Variants in PLEKHA2 observed in about 807,000 individuals in gnomAD.
The protein encoded by PLEKHA2 is pleckstrin homology domain-containing family A member 2.
PLEKHA2 carries 28 observed loss-of-function variants against 53.2 expected under a neutral mutation model. The observed-to-expected ratio is 0.53, with a 90% CI of 0.39 to 0.72. The LOEUF is 0.72. Ranked by LOEUF, PLEKHA2 falls within the 30% of genes least tolerant of loss-of-function variation. The pLI is 0.00. For missense variants in PLEKHA2, 426 were observed against 537.9 expected (o/e 0.79, Z 2.06); for synonymous variants, 193 against 196.4 (o/e 0.98, Z 0.14).
chr8:38,923,417 G>T (rs1344273134), intron 2 of PLEKHA2, among the ~76,000 whole-genome samples: 1 of 152,204 alleles, frequency 6.6e-6, no homozygotes, highest in Non-Finnish European at 1.5e-5. Flanking sequence ...ATGTTGGTCA[G>T]CCTGGTCTTG....
intron 5 of PLEKHA2, among the ~76,000 whole-genome samples, chr8:38,947,535 A>T (rs1459633504): frequency 1.3e-5 from 2 of 152,214 alleles, no homozygotes; most frequent in Non-Finnish European, 2.9e-5. Flanking sequence ...AGGCAGGAGG[A>T]TCACTTGAGC....
At chr8:38,964,708 G>GA (rs146832307) in intron 10 of PLEKHA2, among the ~76,000 whole-genome samples, 143 of 146,598 alleles carry the variant, frequency 9.8e-4, no homozygotes, top group African/African-American at 2.9e-3. Context: ...ATTATTAACT[G>GA]AAAAAAAAAA....
chr8:38,918,150 A>G (rs1834095132), intron 2 of PLEKHA2, 80 bp downstream of exon 2: 3 of 1,512,476 alleles, frequency 2.0e-6, no homozygotes, highest in Admixed American at 2.1e-5. Flanking sequence ...GTTAGCCTCC[A>G]GGCCTAGGCT....
intron 11 of PLEKHA2, 35 bp from the exon 12 acceptor site, chr8:38,969,385 CT>C (rs768160578): frequency 3.8e-6 from 6 of 1,591,894 alleles, no homozygotes; most frequent in Non-Finnish European, 5.1e-6. Flanking sequence ...AAAGCCCTAA[CT>C]TTCTTTTGTC....
intron 2 of PLEKHA2, among the ~76,000 whole-genome samples, chr8:38,923,497 G>T (rs763656370): frequency 1.3e-5 from 2 of 152,066 alleles, no homozygotes; most frequent in South Asian, 2.1e-4. Context: ...ATGAGCTACC[G>T]CGCCCAGCCT....
intron 9 of PLEKHA2, among the ~76,000 whole-genome samples, chr8:38,956,936 C>G (rs1016524908): frequency 2.0e-5 from 3 of 152,080 alleles, no homozygotes; most frequent in Admixed American, 1.3e-4. Flanking sequence ...AAAAAGCACC[C>G]GAAACGGTGC....
At chr8:38,949,697 G>A (rs760823121) in intron 5 of PLEKHA2, among the ~76,000 whole-genome samples, 3 of 152,158 alleles carry the variant, frequency 2.0e-5, no homozygotes, top group Non-Finnish European at 2.9e-5. Context: ...TAGTAACAAC[G>A]TGGGAAGCCT....
chr8:38,940,133 C>T (rs1366706868), intron 3 of PLEKHA2, among the ~76,000 whole-genome samples: 2 of 150,420 alleles, frequency 1.3e-5, no homozygotes, highest in Admixed American at 6.6e-5. Flanking sequence ...CGTGGTGGCT[C>T]ACGCCTATAA....
In PLEKHA2 at chr8:38,972,369, T is replaced by A. The variant is rs1242121199; in HGVS notation, c.*2586T>A. On this transcript the variant is annotated 3_prime_UTR_variant, in exon 12 of 12. Coordinates refer to ENST00000617275, the MANE Select transcript of PLEKHA2 (RefSeq NM_021623.2). ...GCCTGGCTAATTTTTAATTTTTTTT[T>A]ATCTACAGAGCCTGGCTATGTTGCC... The A allele has an allele frequency of 5.9e-5, 9 of 152,088 alleles. No homozygotes were observed. In the East Asian group the frequency reaches 1.2e-3, roughly 20 times the overall value. 9.4% of individuals were successfully genotyped at this position (152,088 alleles called of 1,614,324 possible).
intron 6 of PLEKHA2, 144 bp from the exon 7 acceptor site, chr8:38,952,022 T>C: frequency 1.9e-6 from 2 of 1,080,594 alleles, no homozygotes; most frequent in Non-Finnish European, 1.3e-6. Flanking sequence ...AGTGTTGGGA[T>C]TACAGGCGTG....
intron 2 of PLEKHA2, among the ~76,000 whole-genome samples, chr8:38,928,252 T>TC (rs1834322913): frequency 6.8e-6 from 1 of 147,518 alleles, no homozygotes; most frequent in African/African-American, 2.5e-5. Flanking sequence ...TTTTTTTTTT[T>TC]TTTTCTTTTT....
intron 1 of PLEKHA2, among the ~76,000 whole-genome samples, chr8:38,905,766 C>T (rs974181363): frequency 1.4e-5 from 2 of 147,774 alleles, no homozygotes; most frequent in Non-Finnish European, 3.0e-5. Context: ...CTCACTGCAA[C>T]CTCCACCTCA....
intron 2 of PLEKHA2, among the ~76,000 whole-genome samples, chr8:38,918,556 A>T (rs868205705): frequency 1.2e-4 from 17 of 143,504 alleles, no homozygotes; most frequent in African/African-American, 2.9e-4. Flanking sequence ...CACACCACAC[A>T]CACATTATAC....
At chr8:38,907,760 C>CA (rs10639555) in intron 1 of PLEKHA2, among the ~76,000 whole-genome samples, 93,200 of 140,660 alleles carry the variant, frequency 0.66, 31,615 homozygotes, top group African/African-American at 0.73. Flanking sequence ...GACCATATCT[C>CA]AAAAAAAAAA....
At chr8:38,955,805 T>G (rs1564150218) in intron 9 of PLEKHA2, among the ~76,000 whole-genome samples, 1 of 152,158 alleles carries the variant, frequency 6.6e-6, no homozygotes, top group Non-Finnish European at 1.5e-5. Context: ...ATGGTACAGT[T>G]TTGCTTCCTT....
chr8:38,970,186 CA>C lies in PLEKHA2; in HGVS notation c.*404del. 1 of 435,672 alleles carries C rather than the reference CA, an allele frequency of 2.3e-6. No homozygotes were observed. Among genetic ancestry groups the C allele is most frequent in the South Asian group, 7.8e-5 (1 of 12,790 alleles). 27.0% of individuals were successfully genotyped at this position (435,672 alleles called of 1,614,324 possible). ...TTCCTTGTCCTTGTTTTAGTTTTTTCATTTTGTTTTCAGTCCAGGTGCCTCG... is the reference window on the plus strand; with the variant it reads ...TTCCTTGTCCTTGTTTTAGTTTTTTCTTTTGTTTTCAGTCCAGGTGCCTCG... On this transcript the variant is annotated 3_prime_UTR_variant, in exon 12 of 12. Transcript: ENST00000617275.
At chr8:38,960,369 C>T (rs1386839294) in intron 10 of PLEKHA2, among the ~76,000 whole-genome samples, 1 of 152,156 alleles carries the variant, frequency 6.6e-6, no homozygotes, top group Non-Finnish European at 1.5e-5. Context: ...GTCCCAGCTA[C>T]TTGGGAGGCT....
intron 8 of PLEKHA2, 58 bp downstream of exon 8, chr8:38,952,762 T>G: frequency 6.5e-7 from 1 of 1,535,190 alleles, no homozygotes. Flanking sequence ...GGTGCATAGG[T>G]GCACACCCAC....
intron 1 of PLEKHA2, among the ~76,000 whole-genome samples, chr8:38,916,320 A>T (rs1201825355): frequency 6.6e-6 from 1 of 152,174 alleles, no homozygotes; most frequent in East Asian, 1.9e-4. Flanking sequence ...ATTATTGACT[A>T]TAGTTACCCT....
Sources: gnomAD v4.1 joint callset for allele counts (sites outside exome capture counted in the v4.1 genomes callset) on GRCh38, gnomAD v4.1.1 for gene constraint, MANE v1.5 for transcripts, NCBI Gene and HGNC (gene_info 2026-07-23, HGNC 2026-07-21) for gene names.